Variants in CPD observed in about 807,000 individuals in gnomAD.
CPD encodes the protein metallocarboxypeptidase D.
Under a neutral mutation model 138.3 loss-of-function variants are expected in CPD, and 69 were observed. The observed-to-expected ratio is 0.50, with a 90% CI of 0.41 to 0.61. CPD has a LOEUF of 0.61. Ranked by LOEUF, CPD falls within the 20% of genes least tolerant of loss-of-function variation. The pLI is 0.00. For synonymous variants in CPD, 651 were observed against 642.1 expected (o/e 1.01, Z -0.21); for missense variants, 1,432 against 1,733.3 (o/e 0.83, Z 3.09).
In CPD at chr17:30,379,232, C is replaced by T; in HGVS notation, c.252C>T (p.Ser84=). The change falls in exon 1 of 21, where the codon AGC becomes AGT. Residue 84 remains serine (S), a synonymous_variant. Transcript: ENST00000225719. This position sits in a 1 kb window ranked among gnomAD's most constrained non-coding sequence, Gnocchi z 7.0. The stretch of plus-strand genomic sequence containing the variant: ...TCCCCGGCCTGGCCCGCCTCTTTAG[C>T]ATCGGCCGCTCGGTGGAAGGCCGGC... The part of the protein sequence containing the change: ...AGLPGLARLF[S]IGRSVEGRPL... The T allele has an allele frequency of 6.6e-7, 1 of 1,523,732 alleles. No individual in the cohort carries two copies. Among genetic ancestry groups the T allele is most frequent in the Admixed American group, 2.0e-5 (1 of 50,334 alleles). The allele number at this position is 1,523,732 out of a possible 1,614,324, so 94.4% of individuals were successfully genotyped here.
intron 2 of CPD, among the ~76,000 whole-genome samples, chr17:30,402,502 G>A: frequency 6.6e-6 from 1 of 152,226 alleles, no homozygotes; most frequent in Non-Finnish European, 1.5e-5. Flanking sequence ...AGAGGCAGAG[G>A]TTGCAGTGAA....
chr17:30,392,181 T>C (rs563779085), intron 2 of CPD, among the ~76,000 whole-genome samples: 22 of 152,110 alleles, frequency 1.4e-4, no homozygotes, highest in African/African-American at 5.1e-4. Context: ...GGCTAATTTT[T>C]GTATTTTTAG....
chr17:30,425,140 A>T (rs766390309), intron 6 of CPD, among the ~76,000 whole-genome samples: 1 of 152,078 alleles, frequency 6.6e-6, no homozygotes, highest in Non-Finnish European at 1.5e-5. Context: ...AATTTTTCTC[A>T]TTATAATGAC....
chr17:30,451,740 C>G lies in CPD; in HGVS notation c.3099C>G (p.Val1033=). The change falls in exon 14 of 21, where the codon GTC becomes GTG. Residue 1033 remains valine (V), a synonymous_variant. Coordinates refer to ENST00000225719, the MANE Select transcript of CPD (RefSeq NM_001304.5). The part of the protein sequence containing the change: ...QLVDRTRIVI[V]PSLNPDGRER... ...TTGACAGGACTAGGATTGTGATTGT[C>G]CCTTCTCTAAATCCAGATGGGCGAG... The G allele has an allele frequency of 2.5e-6, 4 of 1,613,956 alleles. No homozygotes were observed. Among genetic ancestry groups the G allele is most frequent in the South Asian group, 2.2e-5 (2 of 91,058 alleles).
chr17:30,461,256 G>T lies in CPD; in HGVS notation c.3575G>T (p.Arg1192Leu), dbSNP rs749273190. Reference protein sequence around the residue: ...TSCCYFPSAARLPSLWADNKR... With the variant: ...TSCCYFPSAALLPSLWADNKR... Reference sequence around the variant, plus strand: ...TGCTGTTACTTTCCTAGTGCTGCACGACTCCCTTCCTTGTGGGCAGACAAT... The same window carrying T: ...TGCTGTTACTTTCCTAGTGCTGCACTACTCCCTTCCTTGTGGGCAGACAAT... Residue 1192 changes from arginine (R) to leucine (L), a missense_variant, in exon 18 of 21, where the codon CGA becomes CTA. Around this residue, in one of 6 missense-constraint regions of CPD, gnomAD observed 366 missense variants for 518.8 expected, o/e 0.71. Transcript: ENST00000225719. 2.5e-6 allele frequency: 4 copies of T among 1,611,916 alleles called. No individual in the cohort carries two copies. Among genetic ancestry groups the T allele is most frequent in the African/African-American group, 1.3e-5 (1 of 74,830 alleles).
chr17:30,401,268 C>T (rs1329041873), intron 2 of CPD, among the ~76,000 whole-genome samples: 1 of 143,866 alleles, frequency 7.0e-6, no homozygotes, highest in Non-Finnish European at 1.5e-5. Context: ...TCCTTCTCCT[C>T]CTCCTTCTTC....
chr17:30,448,944 A>T (rs747967305), intron 12 of CPD, among the ~76,000 whole-genome samples: 1 of 151,796 alleles, frequency 6.6e-6, no homozygotes, highest in African/African-American at 2.4e-5. Flanking sequence ...TCTCTACAAA[A>T]TTTTTTTTAA....
chr17:30,433,099 C>T (rs954896945), intron 8 of CPD, among the ~76,000 whole-genome samples: 3 of 152,108 alleles, frequency 2.0e-5, no homozygotes, highest in African/African-American at 7.2e-5. Flanking sequence ...TCACAGTCCT[C>T]CATCCTTCCA....
At chr17:30,450,539 T>C (rs1456690787) in intron 13 of CPD, among the ~76,000 whole-genome samples, 2 of 152,212 alleles carry the variant, frequency 1.3e-5, no homozygotes, top group Non-Finnish European at 2.9e-5. Flanking sequence ...TATGGTGTTA[T>C]CTACTTTAGC....
rs1438633819 is a variant in CPD at position 30,453,801 on chromosome 17, TC to T, written c.3206-1535del. 5.3e-5 allele frequency among the ~76,000 whole-genome samples: 8 copies of T among 152,320 alleles called. No homozygotes were observed. In the Middle Eastern group the frequency reaches 0.017, roughly 324 times the overall value. On this transcript the variant is annotated intron_variant, in intron 14 of 20. Transcript: ENST00000225719. ...CATCTTCTGAAATCTAGGTGGAGGT[TC>T]CCAAACATCAATTCTTGACTTTTTT...
In CPD at chr17:30,466,120, T is replaced by C. The variant is rs190910996; in HGVS notation, c.*1306T>C. The stretch of plus-strand genomic sequence containing the variant: ...AAAGACCGGAAAGATTTGCATTTTA[T>C]TATGTCTGTCTTATCATGCAATGGA... On this transcript the variant is annotated 3_prime_UTR_variant, in exon 21 of 21. Coordinates refer to ENST00000225719, the MANE Select transcript of CPD (RefSeq NM_001304.5). 46 of 152,774 alleles carry C rather than the reference T, an allele frequency of 3.0e-4. No individual in the cohort carries two copies. The highest frequency in any genetic ancestry group is 8.9e-4 in the African/African-American group (37 of 41,586). The allele number at this position is 152,774 out of a possible 1,614,324, so 9.5% of individuals were successfully genotyped here. A position where few individuals can be genotyped will look rare whatever the true frequency, so the allele number is the denominator to read the frequency against.
At chr17:30,397,695 C>A (rs1312712347) in intron 2 of CPD, among the ~76,000 whole-genome samples, 3 of 144,576 alleles carry the variant, frequency 2.1e-5, no homozygotes, top group African/African-American at 7.9e-5. Context: ...TGTGACTACG[C>A]CACTGCACTG....
intron 8 of CPD, among the ~76,000 whole-genome samples, chr17:30,432,856 T>A (rs1044161737): frequency 6.6e-6 from 1 of 152,040 alleles, no homozygotes. Flanking sequence ...GAGATTGAGG[T>A]TGAAGTGAGC....
chr17:30,449,241 G>A (rs1193105136), intron 12 of CPD, among the ~76,000 whole-genome samples: 1 of 152,020 alleles, frequency 6.6e-6, no homozygotes, highest in East Asian at 1.9e-4. Flanking sequence ...TAACTAAATA[G>A]TAGTGTAGAT....
At chr17:30,451,120 A>G (rs1027121426) in intron 13 of CPD, among the ~76,000 whole-genome samples, 1 of 152,232 alleles carries the variant, frequency 6.6e-6, no homozygotes, top group African/African-American at 2.4e-5. Context: ...AAATGTAGAA[A>G]CTGAGGCAGT....
At chr17:30,458,445 C>T (rs1389923572) in intron 17 of CPD, among the ~76,000 whole-genome samples, 1 of 152,170 alleles carries the variant, frequency 6.6e-6, no homozygotes, top group Non-Finnish European at 1.5e-5. Flanking sequence ...CATGAAGATG[C>T]CCCGCCCCAC....
chr17:30,444,999 G>T (rs1444188196), intron 11 of CPD, among the ~76,000 whole-genome samples: 1 of 151,962 alleles, frequency 6.6e-6, no homozygotes, highest in African/African-American at 2.4e-5. Context: ...AAGCAGCAGG[G>T]GATCCGAGAA....
chr17:30,400,731 C>T (rs1476284454), intron 2 of CPD, among the ~76,000 whole-genome samples: 1 of 136,626 alleles, frequency 7.3e-6, no homozygotes, highest in Non-Finnish European at 1.5e-5. Context: ...GATCTCAGCT[C>T]ACCGCAAGCT....
intron 7 of CPD, among the ~76,000 whole-genome samples, chr17:30,429,391 A>C (rs984510767): frequency 1.3e-5 from 2 of 152,176 alleles, no homozygotes; most frequent in African/African-American, 4.8e-5. Context: ...AGAGGTAGGA[A>C]TCTTCAGTCA....
Sources: allele counts gnomAD v4.1 joint callset (sites outside exome capture counted in the v4.1 genomes callset), GRCh38; gene constraint gnomAD v4.1.1; regional missense constraint gnomAD v4.1.1; non-coding constraint Gnocchi (gnomAD v3.1); transcripts MANE v1.5; gene names NCBI Gene and HGNC (gene_info 2026-07-23, HGNC 2026-07-21).